ABCB10: variants seen among roughly 807,000 people sequenced by gnomAD.
The protein encoded by ABCB10 is ATP binding cassette subfamily B member 10.
A neutral mutation model predicts 65.4 loss-of-function variants in ABCB10; 54 were observed. The ratio of observed to expected loss-of-function variants is 0.83; its 90% CI spans 0.66 to 1.04. ABCB10 has a LOEUF of 1.04. Among genes scored for constraint, ABCB10 ranks in the 50% least tolerant of loss-of-function variants. The pLI is 0.00. For missense variants in ABCB10, 846 were observed against 976.6 expected (o/e 0.87, Z 1.78); for synonymous variants, 418 against 406.5 (o/e 1.03, Z -0.34).
chr1:229,537,886 C>G (rs1336841453), intron 6 of ABCB10, among the ~76,000 whole-genome samples: 1 of 152,236 alleles, frequency 6.6e-6, no homozygotes, highest in African/African-American at 2.4e-5. Flanking sequence ...AGAATTCTCA[C>G]CTGCTAATTC....
At chr1:229,534,543 G>T (rs376558500) in intron 6 of ABCB10, among the ~76,000 whole-genome samples, 9 of 151,432 alleles carry the variant, frequency 5.9e-5, no homozygotes, top group East Asian at 5.9e-4. Context: ...CTGGCCAACA[G>T]GGTGAAACCC....
chr1:229,551,229 T>C (rs1663107901), intron 1 of ABCB10, among the ~76,000 whole-genome samples: 1 of 152,130 alleles, frequency 6.6e-6, no homozygotes, highest in African/African-American at 2.4e-5. Context: ...CTCCTTAAGG[T>C]CTTTATAAAG....
chr1:229,547,761 G>C, intron 2 of ABCB10, 60 bp from the exon 3 acceptor site: 4 of 1,551,190 alleles, frequency 2.6e-6, no homozygotes, highest in Non-Finnish European at 8.9e-7. Flanking sequence ...CCATTATGGG[G>C]CAGCCACTTA....
In ABCB10 at chr1:229,550,863, C is replaced by CA. The variant is rs972675375; in HGVS notation, c.518-1430dup. Among the ~76,000 whole-genome samples, 649 of 121,532 alleles carry CA rather than the reference C, an allele frequency of 5.3e-3. 10 individuals are homozygous for CA. The highest frequency in any genetic ancestry group is 0.034 in the Admixed American group (406 of 12,008). 79.7% of individuals were successfully genotyped at this position (121,532 alleles called of 152,430 possible). A position where few individuals can be genotyped will look rare whatever the true frequency, so the allele number is the denominator to read the frequency against. On this transcript the variant is annotated intron_variant, in intron 1 of 12. Coordinates refer to ENST00000344517, the MANE Select transcript of ABCB10 (RefSeq NM_012089.3). ...TGGATGACAGAGCAAGACTCTGTCT[C>CA]AAAAAAAAAAAAGAAAAGAAAAGAA...
rs537630869 is a variant in ABCB10 at position 229,537,996 on chromosome 1, T to C, written c.1339+1460A>G. On this transcript the variant is annotated intron_variant, in intron 6 of 12. Coordinates refer to ENST00000344517, the MANE Select transcript of ABCB10 (RefSeq NM_012089.3). ...ACACTGACCTACCCATATTTTCTCT[T>C]ATCCCTCCTCGCACCAGATGGCAGA... Among the ~76,000 whole-genome samples the C allele has an allele frequency of 1.4e-4, 22 of 152,276 alleles. No individual in the cohort carries two copies. In the South Asian group the frequency reaches 4.6e-3, roughly 32 times the overall value.
At chr1:229,557,722 T>C (rs1272287504) in intron 1 of ABCB10, among the ~76,000 whole-genome samples, 1 of 151,728 alleles carries the variant, frequency 6.6e-6, no homozygotes, top group Non-Finnish European at 1.5e-5. Context: ...AAATAATGTG[T>C]TTTTGGTTAA....
At position 229,538,367 on chromosome 1, in the gene ABCB10, G is replaced by A. The variant is rs532594363; in HGVS notation, c.1339+1089C>T. ...GGAGGCCAGGGAGGAAACCTGGAAC[G>A]TGAACAGAAAGGCCAGGGAGAGGGG... On this transcript the variant is annotated intron_variant, in intron 6 of 12. Transcript: ENST00000344517. 2.0e-5 allele frequency among the ~76,000 whole-genome samples: 3 copies of A among 152,264 alleles called. No individual in the cohort carries two copies. The East Asian group carries it at 5.8e-4, about 29-fold the overall frequency.
chr1:229,540,190 T>C (rs916252124), intron 5 of ABCB10, among the ~76,000 whole-genome samples: 1 of 152,256 alleles, frequency 6.6e-6, no homozygotes, highest in African/African-American at 2.4e-5. Flanking sequence ...TTTTTTGTAC[T>C]TGTTTCTTGA....
intron 8 of ABCB10, among the ~76,000 whole-genome samples, chr1:229,529,295 CAAAAAAAAAAAAAAAAAAAAAA>C (rs59264291): frequency 8.6e-5 from 2 of 23,130 alleles, no homozygotes; most frequent in African/African-American, 3.3e-4. Context: ...GACTCCGTCT[CAAAAAAAAAAAAAAAAAAAAAA>C]AAAAAAAAAA....
At position 229,531,667 on chromosome 1, in the gene ABCB10, G is replaced by C. The variant is rs1356604939; in HGVS notation, c.1404C>G (p.Leu468=). 3.1e-6 allele frequency: 5 copies of C among 1,613,882 alleles called. No homozygotes were observed. The highest frequency in any genetic ancestry group is 3.4e-6 in the Non-Finnish European group (4 of 1,179,858). ...AAGGCAGCTTGGGCTCTCTCTCCAG[G>C]AGCTCCCAGAGGCGCCCCCCTGCAC... ...GLGAGGRLWE[L]LEREPKLPFN... The change falls in exon 7 of 13, where the codon CTC becomes CTG. Residue 468 remains leucine, a synonymous_variant. Transcript: ENST00000344517.
At chr1:229,522,017 C>T (rs576791691) in intron 10 of ABCB10, among the ~76,000 whole-genome samples, 1 of 151,486 alleles carries the variant, frequency 6.6e-6, no homozygotes, top group Non-Finnish European at 1.5e-5. Flanking sequence ...CAGGTGTGCA[C>T]CAACACACCT....
chr1:229,544,530 A>G (rs2102703104), intron 3 of ABCB10, among the ~76,000 whole-genome samples: 1 of 152,210 alleles, frequency 6.6e-6, no homozygotes, highest in African/African-American at 2.4e-5. Flanking sequence ...TCAGGTTCTC[A>G]TAACTGGACT....
At chr1:229,548,800 T>A (rs1663029510) in intron 2 of ABCB10, among the ~76,000 whole-genome samples, 1 of 151,922 alleles carries the variant, frequency 6.6e-6, no homozygotes, top group Admixed American at 6.6e-5. Flanking sequence ...GTAGCTGAGA[T>A]TACAGGCACA....
At chr1:229,539,372 G>A in intron 6 of ABCB10, 84 bp downstream of exon 6, 1 of 1,531,888 alleles carries the variant, frequency 6.5e-7, no homozygotes, top group Non-Finnish European at 9.0e-7. Context: ...GTTAATTGAA[G>A]TAATGTGAAA....
chr1:229,532,568 A>G (rs1662609648), intron 6 of ABCB10, among the ~76,000 whole-genome samples: 1 of 151,866 alleles, frequency 6.6e-6, no homozygotes, highest in South Asian at 2.1e-4. Flanking sequence ...TACCTCATAC[A>G]ATGTAATGCT....
chr1:229,531,935 T>A, intron 6 of ABCB10: 2 of 335,296 alleles, frequency 6.0e-6, no homozygotes, highest in Non-Finnish European at 1.1e-5. Flanking sequence ...CTTCTCCTCC[T>A]CCAGTTTCAT....
chr1:229,547,429 T>C, intron 3 of ABCB10, 70 bp downstream of exon 3: 10 of 1,566,162 alleles, frequency 6.4e-6, no homozygotes, highest in Non-Finnish European at 8.7e-6. Context: ...TGAGCTCGTC[T>C]CACACGTGAG....
rs548697633 is a variant in ABCB10, at chr1:229,558,082, C to T, written c.517+54G>A. On this transcript the variant is annotated intron_variant, in intron 1 of 12. Transcript: ENST00000344517. ...TGTCCCTCTCGGCGCCCCGGGACCC[C>T]GCGTGTGGAGAAGGAGAGGCCCGGC... 3.9e-5 allele frequency: 51 copies of T among 1,295,308 alleles called. 1 individual carries two copies. In the African/African-American group the frequency reaches 7.3e-4, roughly 19 times the overall value. 80.2% of individuals were successfully genotyped at this position (1,295,308 alleles called of 1,614,324 possible).
chr1:229,541,954 A>G (rs532935671), intron 4 of ABCB10, among the ~76,000 whole-genome samples: 1 of 151,196 alleles, frequency 6.6e-6, no homozygotes, highest in Non-Finnish European at 1.5e-5. Flanking sequence ...CTTGTCTCAA[A>G]AAAAAAAAAC....
Sources: gnomAD v4.1 joint callset for allele counts (sites outside exome capture counted in the v4.1 genomes callset) on GRCh38, gnomAD v4.1.1 for gene constraint, MANE v1.5 for transcripts, NCBI Gene and HGNC (gene_info 2026-07-23, HGNC 2026-07-21) for gene names.